Variants in GALNT7 observed in about 807,000 individuals in gnomAD.
The protein encoded by GALNT7 is N-acetylgalactosaminyltransferase 7.
GALNT7 carries 60 observed loss-of-function variants against 82.1 expected under a neutral mutation model. That is an observed-to-expected ratio of 0.73 (90% confidence interval 0.59 to 0.91). The LOEUF (loss-of-function observed/expected upper bound fraction) is 0.91. Ranked by LOEUF, GALNT7 falls within the 40% of genes least tolerant of loss-of-function variation. GALNT7 has a pLI of 0.00. For synonymous variants in GALNT7, 243 were observed against 275.1 expected (o/e 0.88, Z 1.15); for missense variants, 660 against 804.2 (o/e 0.82, Z 2.17).
In GALNT7 at chr4:173,214,684, A is replaced by C. The variant is rs565376431; in HGVS notation, c.127-33296A>C. ...CCACTAGTCCAAATTCAACTTCTCA[A>C]GCCTGGTAGAGTCAAATTTCTGGCA... On this transcript the variant is annotated intron_variant, in intron 1 of 11. Transcript: ENST00000265000. Among the ~76,000 whole-genome samples the C allele has an allele frequency of 3.3e-5, 5 of 152,322 alleles. No individual in the cohort carries two copies. The South Asian group carries it at 1.0e-3, about 32-fold the overall frequency.
intron 1 of GALNT7, among the ~76,000 whole-genome samples, chr4:173,212,438 T>C (rs1368814308): frequency 6.6e-6 from 1 of 152,174 alleles, no homozygotes; most frequent in Non-Finnish European, 1.5e-5. Flanking sequence ...AAACAGGTTA[T>C]TTAGCAGTAA....
intron 1 of GALNT7, among the ~76,000 whole-genome samples, chr4:173,221,196 A>G (rs1405741303): frequency 2.6e-5 from 4 of 152,066 alleles, no homozygotes; most frequent in Non-Finnish European, 4.4e-5. Context: ...TCGCCATTCT[A>G]ACTGGTGTGA....
intron 2 of GALNT7, among the ~76,000 whole-genome samples, chr4:173,264,257 C>T (rs1735393926): frequency 6.6e-6 from 1 of 152,148 alleles, no homozygotes; most frequent in Non-Finnish European, 1.5e-5. Context: ...CAGAAGAATT[C>T]ACCCAAAGCC....
At chr4:173,301,188 T>C (rs1306548469) in intron 6 of GALNT7, among the ~76,000 whole-genome samples, 2 of 151,918 alleles carry the variant, frequency 1.3e-5, no homozygotes, top group African/African-American at 4.8e-5. Flanking sequence ...TGAAATAGGT[T>C]CCATTGAACC....
At chr4:173,228,815 G>T (rs1733926631) in intron 1 of GALNT7, among the ~76,000 whole-genome samples, 1 of 152,104 alleles carries the variant, frequency 6.6e-6, no homozygotes, top group South Asian at 2.1e-4. Context: ...TGCTTCTTGA[G>T]GTCATCACTG....
At chr4:173,216,540 T>TTA (rs1275873325) in intron 1 of GALNT7, among the ~76,000 whole-genome samples, 2 of 151,530 alleles carry the variant, frequency 1.3e-5, no homozygotes, top group African/African-American at 4.9e-5. Context: ...TGTGAGATAA[T>TTA]TATATATGAA....
At chr4:173,221,330 G>A (rs1325912285) in intron 1 of GALNT7, among the ~76,000 whole-genome samples, 1 of 152,178 alleles carries the variant, frequency 6.6e-6, no homozygotes, top group African/African-American at 2.4e-5. Flanking sequence ...CTAGATGCTG[G>A]AGTTACAGCA....
chr4:173,295,577 A>C (rs1257374253), intron 4 of GALNT7, 51 bp downstream of exon 4: 2 of 1,534,888 alleles, frequency 1.3e-6, no homozygotes, highest in African/African-American at 2.7e-5. Context: ...TTGGTAACTA[A>C]ATCATACACA....
At chr4:173,271,394 T>A (rs1735717015) in intron 2 of GALNT7, among the ~76,000 whole-genome samples, 2 of 152,336 alleles carry the variant, frequency 1.3e-5, no homozygotes, top group Non-Finnish European at 2.9e-5. Flanking sequence ...AACAATCACC[T>A]GTAATCCTAC....
chr4:173,313,282 T>C lies in GALNT7; in HGVS notation c.1390-676T>C, dbSNP rs115511937. On this transcript the variant is annotated intron_variant, in intron 8 of 11. Coordinates refer to ENST00000265000, the MANE Select transcript of GALNT7 (RefSeq NM_017423.3). ...ACAGAACGATTCTAATAGAAAGAGA[T>C]TGTAGGCCAGGCACAGTGGCTCACA... is the stretch of plus-strand genomic sequence containing the variant. 5.3e-3 allele frequency among the ~76,000 whole-genome samples: 806 copies of C among 151,966 alleles called. 10 individuals carry two copies. The highest frequency in any genetic ancestry group is 0.019 in the African/African-American group (779 of 41,472).
rs1171663903 is a variant in GALNT7, at chr4:173,292,422, TTGTA to T, written c.754+152_754+155del. On this transcript the variant is annotated intron_variant, in intron 3 of 11. Transcript: ENST00000265000. This position sits in a 1 kb window ranked among gnomAD's most constrained non-coding sequence, Gnocchi z 4.8. ...CAACAAGTTGACACTGTGCCAAGCA[TTGTA>T]TGTGAGTTATTTTGTTTAATACTAA... 22 of 572,232 alleles carry T rather than the reference TTGTA, an allele frequency of 3.8e-5. No homozygotes were observed. Among genetic ancestry groups the T allele is most frequent in the Non-Finnish European group, 6.2e-5 (20 of 322,806 alleles). 35.4% of individuals were successfully genotyped at this position (572,232 alleles called of 1,614,324 possible).
chr4:173,239,003 A>C (rs1734323263), intron 1 of GALNT7, among the ~76,000 whole-genome samples: 2 of 152,166 alleles, frequency 1.3e-5, no homozygotes, highest in Non-Finnish European at 2.9e-5. Flanking sequence ...ATTTATTCCC[A>C]CTTGAGTATT....
chr4:173,192,127 G>A (rs1732646866), intron 1 of GALNT7, among the ~76,000 whole-genome samples: 1 of 152,182 alleles, frequency 6.6e-6, no homozygotes, highest in Admixed American at 6.5e-5. Flanking sequence ...TGTGGTGGGT[G>A]AGGACAGCAA....
At chr4:173,220,607 C>T (rs1406761628) in intron 1 of GALNT7, among the ~76,000 whole-genome samples, 4 of 151,618 alleles carry the variant, frequency 2.6e-5, no homozygotes, top group Admixed American at 6.6e-5. Flanking sequence ...CCCATTAACT[C>T]GTCATCTAGC....
chr4:173,245,776 C>A (rs1734604634), intron 1 of GALNT7, among the ~76,000 whole-genome samples: 1 of 152,224 alleles, frequency 6.6e-6, no homozygotes, highest in South Asian at 2.1e-4. Context: ...CCCCTTACCT[C>A]TCTCTTACAG....
chr4:173,269,495 A>T (rs1735641654), intron 2 of GALNT7, among the ~76,000 whole-genome samples: 2 of 152,180 alleles, frequency 1.3e-5, no homozygotes, highest in African/African-American at 4.8e-5. Context: ...TTTTGCACTG[A>T]TTGGAATATT....
chr4:173,279,151 A>T (rs994687082), intron 2 of GALNT7, among the ~76,000 whole-genome samples: 16 of 152,338 alleles, frequency 1.1e-4, no homozygotes, highest in Admixed American at 8.5e-4. Context: ...TAATTGGCTC[A>T]TGGTTCTGCA....
chr4:173,183,043 AACACACACACACACACACACAC>A (rs35043722), intron 1 of GALNT7, among the ~76,000 whole-genome samples: 6 of 125,034 alleles, frequency 4.8e-5, no homozygotes, highest in Admixed American at 8.1e-5. Flanking sequence ...CACACACATA[AACACACACACACACACACACAC>A]ACACACACAC....
chr4:173,173,759 A>T (rs1278278490), intron 1 of GALNT7, among the ~76,000 whole-genome samples: 1 of 152,254 alleles, frequency 6.6e-6, no homozygotes, highest in African/African-American at 2.4e-5. Flanking sequence ...ATGCAACTTT[A>T]GTCAAGTCAT....
Sources: gnomAD v4.1 joint callset for allele counts (sites outside exome capture counted in the v4.1 genomes callset) on GRCh38, gnomAD v4.1.1 for gene constraint, Gnocchi (gnomAD v3.1) non-coding constraint, MANE v1.5 for transcripts, NCBI Gene and HGNC (gene_info 2026-07-23, HGNC 2026-07-21) for gene names.